Variants in ADAMTSL3 observed in about 807,000 individuals in gnomAD.
ADAMTSL3 encodes the protein ADAMTS like 3.
ADAMTSL3 carries 128 observed loss-of-function variants against 201.7 expected under a neutral mutation model. The ratio of observed to expected loss-of-function variants is 0.63; its 90% CI spans 0.55 to 0.73. ADAMTSL3 has a LOEUF of 0.73. Ranked by LOEUF, ADAMTSL3 falls within the 30% of genes least tolerant of loss-of-function variation. The pLI, the probability that ADAMTSL3 is intolerant of heterozygous loss-of-function variation, is 0.00. For synonymous variants in ADAMTSL3, 738 were observed against 748.4 expected, an observed-to-expected ratio of 0.99 and a Z score of 0.23; for missense variants, 1,990 against 2,119.6, an observed-to-expected ratio of 0.94 and a Z score of 1.20.
intron 27 of ADAMTSL3, among the ~76,000 whole-genome samples, chr15:84,028,819 T>C (rs1237639069): frequency 1.3e-5 from 2 of 152,162 alleles, no homozygotes. Context: ...GTGGAGGTAA[T>C]TGAGTCATGG....
intron 4 of ADAMTSL3, among the ~76,000 whole-genome samples, chr15:83,778,379 C>T (rs577435921): frequency 1.1e-3 from 173 of 152,314 alleles, no homozygotes; most frequent in African/African-American, 4.0e-3. Context: ...AGAGAAAGGT[C>T]AGGTCACCTA....
At chr15:83,903,568 C>A (rs548717462) in intron 15 of ADAMTSL3, among the ~76,000 whole-genome samples, 1 of 151,934 alleles carries the variant, frequency 6.6e-6, no homozygotes, top group African/African-American at 2.4e-5. Context: ...TGGATCCGAT[C>A]GTCCCTAAGG....
chr15:83,995,160 C>A (rs1399385546), intron 23 of ADAMTSL3, among the ~76,000 whole-genome samples: 2 of 152,042 alleles, frequency 1.3e-5, no homozygotes, highest in Non-Finnish European at 2.9e-5. Flanking sequence ...CTTGGGTCGG[C>A]GGAGACAGAT....
At chr15:83,932,775 A>G (rs940845780) in intron 17 of ADAMTSL3, among the ~76,000 whole-genome samples, 2 of 152,264 alleles carry the variant, frequency 1.3e-5, no homozygotes, top group South Asian at 4.1e-4. Context: ...AAATTCCCAC[A>G]AAGACATAAT....
intron 2 of ADAMTSL3, among the ~76,000 whole-genome samples, chr15:83,690,423 G>GC (rs1391853524): frequency 1.3e-5 from 2 of 151,988 alleles, no homozygotes; most frequent in East Asian, 3.9e-4. Flanking sequence ...TTGGACTGTT[G>GC]CCCCCCGTCT....
At chr15:83,993,144 A>G (rs1214805971) in intron 23 of ADAMTSL3, among the ~76,000 whole-genome samples, 1 of 152,244 alleles carries the variant, frequency 6.6e-6, no homozygotes, top group Non-Finnish European at 1.5e-5. Context: ...CAGAAGCCAT[A>G]CCTAATGGAG....
At chr15:83,712,680 G>T (rs1434422076) in intron 3 of ADAMTSL3, among the ~76,000 whole-genome samples, 3 of 152,206 alleles carry the variant, frequency 2.0e-5, no homozygotes, top group Non-Finnish European at 4.4e-5. Context: ...CCTGGGGTCA[G>T]CAGTGATAGC....
At chr15:83,659,888 T>C (rs2061139399) in intron 2 of ADAMTSL3, among the ~76,000 whole-genome samples, 1 of 152,124 alleles carries the variant, frequency 6.6e-6, no homozygotes, top group African/African-American at 2.4e-5. Context: ...AGAAATGGAT[T>C]TTCTGCTCAA....
chr15:83,817,695 CA>C (rs2063791052), intron 5 of ADAMTSL3, among the ~76,000 whole-genome samples: 1 of 152,140 alleles, frequency 6.6e-6, no homozygotes, highest in African/African-American at 2.4e-5. Flanking sequence ...TAAAACAAGA[CA>C]TTTTTGAAGA....
chr15:83,903,939 A>AGGGAGGGAGGG (rs1567226085), intron 15 of ADAMTSL3, among the ~76,000 whole-genome samples: 1 of 50,644 alleles, frequency 2.0e-5, no homozygotes, highest in Non-Finnish European at 3.3e-5. Flanking sequence ...AAAAAAAAAA[A>AGGGAGGGAGGG]AAAAAGAAAA....
intron 4 of ADAMTSL3, among the ~76,000 whole-genome samples, chr15:83,801,863 A>G (rs1458145808): frequency 6.6e-6 from 1 of 151,066 alleles, no homozygotes; most frequent in East Asian, 1.9e-4. Context: ...ATTCCATTCA[A>G]AAAGGCTCAC....
chr15:83,693,708 CA>C (rs2141464702), intron 2 of ADAMTSL3, among the ~76,000 whole-genome samples: 1 of 152,316 alleles, frequency 6.6e-6, no homozygotes, highest in African/African-American at 2.4e-5. Context: ...ACATAGTATA[CA>C]ATTTACTTCT....
intron 4 of ADAMTSL3, among the ~76,000 whole-genome samples, chr15:83,779,580 C>T (rs1328089677): frequency 1.3e-5 from 2 of 151,756 alleles, no homozygotes; most frequent in African/African-American, 2.4e-5. Context: ...TGCCTGTAGT[C>T]CCAGCTACTC....
At chr15:83,661,352 A>C (rs1298590730) in intron 2 of ADAMTSL3, among the ~76,000 whole-genome samples, 3 of 151,154 alleles carry the variant, frequency 2.0e-5, no homozygotes, top group Non-Finnish European at 4.4e-5. Flanking sequence ...GATGGCATTG[A>C]ATCTGTAAAT....
At chr15:83,887,244 A>C (rs566872417) in intron 10 of ADAMTSL3, among the ~76,000 whole-genome samples, 21 of 152,164 alleles carry the variant, frequency 1.4e-4, no homozygotes, top group Non-Finnish European at 2.9e-4. Flanking sequence ...TATTGCCATC[A>C]CTATTTTTGC....
At chr15:83,739,074 A>G (rs373415495) in intron 3 of ADAMTSL3, among the ~76,000 whole-genome samples, 2 of 152,056 alleles carry the variant, frequency 1.3e-5, no homozygotes, top group East Asian at 1.9e-4. Flanking sequence ...AGAAAAATCT[A>G]AATACCCCAA....
At chr15:83,903,172 C>T in intron 15 of ADAMTSL3, among the ~76,000 whole-genome samples, 1 of 151,722 alleles carries the variant, frequency 6.6e-6, no homozygotes, top group Non-Finnish European at 1.5e-5. Context: ...ATTTCCAGGC[C>T]CCACTGAGTC....
intron 9 of ADAMTSL3, among the ~76,000 whole-genome samples, chr15:83,880,911 A>AT (rs57378637): frequency 0.27 from 41,148 of 150,844 alleles, 6,222 homozygotes; most frequent in Admixed American, 0.43. Context: ...TATAATATCT[A>AT]TTTTTTTTCA....
intron 6 of ADAMTSL3, among the ~76,000 whole-genome samples, chr15:83,828,249 G>A: frequency 6.6e-6 from 1 of 152,178 alleles, no homozygotes; most frequent in Non-Finnish European, 1.5e-5. Flanking sequence ...CACATCCCTT[G>A]TAAGTTGGAT....
Sources: gnomAD v4.1 joint callset for allele counts (sites outside exome capture counted in the v4.1 genomes callset) on GRCh38, gnomAD v4.1.1 for gene constraint, MANE v1.5 for transcripts, NCBI Gene and HGNC (gene_info 2026-07-23, HGNC 2026-07-21) for gene names.